TRMT9B: variants seen among roughly 807,000 people sequenced by gnomAD.
The protein encoded by TRMT9B is probable tRNA methyltransferase 9B.
Under a neutral mutation model 11.5 loss-of-function variants are expected in TRMT9B, and 16 were observed. The ratio of observed to expected loss-of-function variants is 1.39; its 90% CI spans 0.94 to 2.11. The LOEUF is 2.11. Among genes scored for constraint, TRMT9B ranks in the 30% most tolerant of loss-of-function variants. The pLI is 0.00. For missense variants in TRMT9B, 941 were observed against 553.8 expected, an observed-to-expected ratio of 1.70 and a Z score of -7.02; for synonymous variants, 274 against 192.4, an observed-to-expected ratio of 1.42 and a Z score of -3.51.
chr8:12,958,847 G>C (rs1056518814), intron 1 of TRMT9B: 5 of 152,170 alleles, frequency 3.3e-5, no homozygotes, highest in African/African-American at 1.2e-4. Flanking sequence ...CACAAAGTCA[G>C]AAAACCAGAC....
At chr8:13,012,007 T>A in intron 3 of TRMT9B, 1 of 985,398 alleles carries the variant, frequency 1.0e-6, no homozygotes, top group Non-Finnish European at 1.2e-6. Flanking sequence ...CATGCGTATA[T>A]ACAAAATGAA....
intron 2 of TRMT9B, among the ~76,000 whole-genome samples, chr8:13,003,409 C>T (rs908896296): frequency 6.6e-6 from 1 of 152,088 alleles, no homozygotes; most frequent in African/African-American, 2.4e-5. Context: ...TCCCTGTTGC[C>T]CTTATCCTGC....
intron 1 of TRMT9B, among the ~76,000 whole-genome samples, chr8:12,946,554 T>G (rs1181662714): frequency 6.6e-6 from 1 of 152,168 alleles, no homozygotes. Flanking sequence ...TTCGAATGTG[T>G]TGATGTCACC....
chr8:12,959,395 A>G (rs1322376523), intron 1 of TRMT9B, among the ~76,000 whole-genome samples: 1 of 152,044 alleles, frequency 6.6e-6, no homozygotes, highest in Non-Finnish European at 1.5e-5. Context: ...CTATGTGTAT[A>G]TAAATCATAA....
chr8:13,001,108 G>C (rs558326797), intron 2 of TRMT9B, among the ~76,000 whole-genome samples: 30 of 152,224 alleles, frequency 2.0e-4, no homozygotes, highest in African/African-American at 6.7e-4. Flanking sequence ...TTTCCCTACA[G>C]CTACATTTAT....
intron 4 of TRMT9B, among the ~76,000 whole-genome samples, chr8:13,020,520 A>G (rs1448265086): frequency 1.3e-5 from 2 of 152,202 alleles, no homozygotes; most frequent in Non-Finnish European, 2.9e-5. Flanking sequence ...CTAGACAGAG[A>G]AACAATCTTT....
At chr8:12,956,156 T>TTATAGGTTTC (rs1801280663) in intron 1 of TRMT9B, among the ~76,000 whole-genome samples, 1 of 152,198 alleles carries the variant, frequency 6.6e-6, no homozygotes, top group African/African-American at 2.4e-5. Flanking sequence ...GAAATGCAGC[T>TTATAGGTTTC]TATAGGTTTC....
chr8:12,947,615 G>A (rs1380613216), intron 1 of TRMT9B, among the ~76,000 whole-genome samples: 2 of 152,206 alleles, frequency 1.3e-5, no homozygotes, highest in East Asian at 1.9e-4. Context: ...ATGCAAATAT[G>A]TGCATTGAGT....
At chr8:12,961,640 G>A (rs1187007253) in intron 1 of TRMT9B, 1 of 148,220 alleles carries the variant, frequency 6.7e-6, no homozygotes, top group African/African-American at 2.5e-5. Context: ...GGCGGAGCTT[G>A]CAGTGAGCCG....
At chr8:12,998,870 G>C (rs77692897) in intron 2 of TRMT9B, among the ~76,000 whole-genome samples, 12 of 152,126 alleles carry the variant, frequency 7.9e-5, no homozygotes, top group African/African-American at 2.9e-4. Context: ...GGAAAAACTT[G>C]GGAAAAAACC....
chr8:12,948,839 AG>A (rs1800395629), intron 1 of TRMT9B, among the ~76,000 whole-genome samples: 1 of 152,182 alleles, frequency 6.6e-6, no homozygotes, highest in Admixed American at 6.5e-5. Flanking sequence ...AGGCGCCTGT[AG>A]TCCCCGCTAC....
chr8:12,960,755 G>A (rs1384237714), intron 1 of TRMT9B, among the ~76,000 whole-genome samples: 1 of 152,202 alleles, frequency 6.6e-6, no homozygotes, highest in African/African-American at 2.4e-5. Context: ...CATATGCAAA[G>A]GCAAAACTCT....
intron 1 of TRMT9B, among the ~76,000 whole-genome samples, chr8:12,950,856 C>A (rs966523813): frequency 6.6e-6 from 1 of 152,110 alleles, no homozygotes; most frequent in Non-Finnish European, 1.5e-5. Flanking sequence ...ATAACCTGAA[C>A]TGGAAACAAC....
chr8:12,992,866 C>A (rs1175250475), intron 2 of TRMT9B, among the ~76,000 whole-genome samples: 2 of 152,088 alleles, frequency 1.3e-5, no homozygotes, highest in African/African-American at 4.8e-5. Context: ...AAGACTCCAT[C>A]TCCAAAAAGT....
intron 1 of TRMT9B, among the ~76,000 whole-genome samples, chr8:12,984,688 C>T (rs1805964989): frequency 6.6e-6 from 1 of 152,106 alleles, no homozygotes; most frequent in African/African-American, 2.4e-5. Flanking sequence ...CTGTTTTTGT[C>T]AAACTGACAC....
intron 1 of TRMT9B, among the ~76,000 whole-genome samples, chr8:12,969,247 C>T (rs2954169): frequency 2.0e-5 from 3 of 152,058 alleles, no homozygotes; most frequent in African/African-American, 7.2e-5. Context: ...AAAGGCCCAC[C>T]GTCTCTTCAT....
At chr8:13,011,087 T>G (rs1318723102) in intron 3 of TRMT9B, 2 of 400,026 alleles carry the variant, frequency 5.0e-6, no homozygotes, top group Non-Finnish European at 6.8e-6. Flanking sequence ...TGAATTTAAG[T>G]GATTTTTTTC....
intron 1 of TRMT9B, chr8:12,952,204 G>A (rs1401627769): frequency 2.2e-6 from 1 of 451,674 alleles, no homozygotes; most frequent in South Asian, 1.6e-5. Context: ...AAGCGCCGGC[G>A]ACCGGAGCAC....
At chr8:12,968,368 G>C (rs1803116144) in intron 1 of TRMT9B, among the ~76,000 whole-genome samples, 2 of 152,156 alleles carry the variant, frequency 1.3e-5, no homozygotes, top group Admixed American at 1.3e-4. Context: ...GAAAGCCTCA[G>C]GCTTGTTGTT....
Sources: allele counts gnomAD v4.1 joint callset (sites outside exome capture counted in the v4.1 genomes callset), GRCh38; gene constraint gnomAD v4.1.1; transcripts MANE v1.5; gene names NCBI Gene and HGNC (gene_info 2026-07-23, HGNC 2026-07-21).